The following TRHDE variants were observed in gnomAD, a reference collection of about 807,000 sequenced individuals.
The protein encoded by TRHDE is thyrotropin-releasing hormone-degrading ectoenzyme.
In TRHDE, 72 loss-of-function variants were observed where a neutral mutation model predicts 125.7. That is an observed-to-expected ratio of 0.57 (90% CI 0.47 to 0.70). The LOEUF (loss-of-function observed/expected upper bound fraction) is 0.70. Among genes scored for constraint, TRHDE ranks in the 30% least tolerant of loss-of-function variants. The pLI, the probability that TRHDE is intolerant of heterozygous loss-of-function variation, is 0.00. For synonymous variants in TRHDE, 509 were observed against 509.1 expected, an observed-to-expected ratio of 1.00 and a Z score of 0.00; for missense variants, 1,110 against 1,327.1, an observed-to-expected ratio of 0.84 and a Z score of 2.54.
intron 1 of TRHDE, among the ~76,000 whole-genome samples, chr12:72,101,495 G>A (rs1038465127): frequency 5.9e-5 from 9 of 152,112 alleles, no homozygotes; most frequent in Admixed American, 3.3e-4. Context: ...AATAAGTCAC[G>A]CAAATAGTTT....
chr12:72,660,270 A>T (rs2136116214), intron 18 of TRHDE, among the ~76,000 whole-genome samples: 1 of 152,302 alleles, frequency 6.6e-6, no homozygotes, highest in East Asian at 1.9e-4. Flanking sequence ...TACGGGAGGA[A>T]CGTGAAAGTG....
chr12:72,257,142 A>G (rs1045583669), intron 2 of TRHDE: 14 of 152,080 alleles, frequency 9.2e-5, no homozygotes, highest in Admixed American at 2.6e-4. Flanking sequence ...TTATGAGGAG[A>G]AAAGCACCAG....
chr12:72,097,304 G>A (rs1391347656), intron 1 of TRHDE, among the ~76,000 whole-genome samples: 2 of 152,154 alleles, frequency 1.3e-5, no homozygotes, highest in Non-Finnish European at 2.9e-5. Context: ...AGGAGATAGA[G>A]AAAGAGCACT....
intron 2 of TRHDE, among the ~76,000 whole-genome samples, chr12:72,368,031 T>C (rs1267273185): frequency 2.0e-5 from 3 of 152,216 alleles, no homozygotes; most frequent in Non-Finnish European, 4.4e-5. Context: ...TTTCTTTTTC[T>C]TGGCTGTGTG....
chr12:72,238,329 T>TA (rs1349134098), intron 2 of TRHDE, among the ~76,000 whole-genome samples: 35 of 29,970 alleles, frequency 1.2e-3, no homozygotes, highest in Non-Finnish European at 2.0e-3. Flanking sequence ...TATACATATA[T>TA]ATATACACAT....
rs908928079 is a variant in TRHDE at position 72,392,580 on chromosome 12, A to T, written c.1315+14459A>T. Among the ~76,000 whole-genome samples the T allele has an allele frequency of 3.9e-5, 6 of 152,306 alleles. No individual in the cohort carries two copies. In the East Asian group the frequency reaches 1.2e-3, roughly 29 times the overall value. ...AAACATTTTCAGCTGTGTAAACTAT[A>T]CAATCTCAGTTACAATTATGCCACT... is the stretch of plus-strand genomic sequence containing the variant. On this transcript the variant is annotated intron_variant, in intron 3 of 18. Transcript: ENST00000261180.
intron 2 of TRHDE, among the ~76,000 whole-genome samples, chr12:72,347,394 T>G (rs1222856688): frequency 6.6e-6 from 1 of 152,102 alleles, no homozygotes; most frequent in African/African-American, 2.4e-5. Flanking sequence ...TTGTACATTA[T>G]CCATTACTGT....
At chr12:72,632,535 T>C (rs1025178916) in intron 15 of TRHDE, among the ~76,000 whole-genome samples, 3 of 151,966 alleles carry the variant, frequency 2.0e-5, no homozygotes, top group Non-Finnish European at 4.4e-5. Flanking sequence ...TGTTATGCTC[T>C]TAGAGCTATT....
intron 2 of TRHDE, among the ~76,000 whole-genome samples, chr12:72,151,696 A>G (rs927910947): frequency 1.3e-5 from 2 of 152,162 alleles, no homozygotes; most frequent in African/African-American, 4.8e-5. Context: ...GTCAAAGATC[A>G]GATAGTTGTA....
chr12:72,476,126 AG>A (rs1876881111), intron 5 of TRHDE, among the ~76,000 whole-genome samples: 1 of 152,194 alleles, frequency 6.6e-6, no homozygotes, highest in African/African-American at 2.4e-5. Context: ...TATATTGGCC[AG>A]GCTGCTCTCG....
chr12:72,258,883 T>C (rs1878881977), intron 2 of TRHDE, among the ~76,000 whole-genome samples: 2 of 152,178 alleles, frequency 1.3e-5, no homozygotes. Context: ...TTTAGAGAAG[T>C]GATGTTGTGT....
intron 2 of TRHDE, chr12:72,255,961 ACT>A (rs1878805178): frequency 6.6e-6 from 1 of 152,066 alleles, no homozygotes; most frequent in Non-Finnish European, 1.5e-5. Context: ...CCACCCCTCT[ACT>A]ACCATCCTTA....
At chr12:72,644,788 C>G (rs1349002221) in intron 15 of TRHDE, among the ~76,000 whole-genome samples, 25 of 152,068 alleles carry the variant, frequency 1.6e-4, no homozygotes, top group Admixed American at 1.6e-3. Flanking sequence ...CTGGGGCACC[C>G]CAAAGAATTA....
chr12:72,157,757 T>C (rs1016385783), intron 2 of TRHDE, among the ~76,000 whole-genome samples: 1 of 152,152 alleles, frequency 6.6e-6, no homozygotes, highest in African/African-American at 2.4e-5. Flanking sequence ...GAATTGACTG[T>C]TGAATATACA....
chr12:72,358,534 T>G (rs1870924624), intron 2 of TRHDE, among the ~76,000 whole-genome samples: 1 of 151,544 alleles, frequency 6.6e-6, no homozygotes, highest in African/African-American at 2.4e-5. Flanking sequence ...TATTAGTAGT[T>G]AAGTTTTGGG....
intron 12 of TRHDE, among the ~76,000 whole-genome samples, chr12:72,594,426 C>T (rs569706847): frequency 1.4e-4 from 21 of 151,138 alleles, no homozygotes; most frequent in Admixed American, 5.9e-4. Flanking sequence ...CCATGTTGGT[C>T]AGGCTGGTCT....
At chr12:72,598,307 T>C (rs1872064019) in intron 12 of TRHDE, among the ~76,000 whole-genome samples, 2 of 152,230 alleles carry the variant, frequency 1.3e-5, no homozygotes, top group African/African-American at 4.8e-5. Flanking sequence ...GAGAAAACTT[T>C]ACTTGATAAA....
intron 2 of TRHDE, among the ~76,000 whole-genome samples, chr12:72,132,880 A>G (rs2139309016): frequency 6.6e-6 from 1 of 152,172 alleles, no homozygotes; most frequent in South Asian, 2.1e-4. Flanking sequence ...TTTGTAGAAA[A>G]GGGGACCTGC....
At chr12:72,260,061 T>G (rs979532708) in intron 2 of TRHDE, among the ~76,000 whole-genome samples, 9 of 152,224 alleles carry the variant, frequency 5.9e-5, no homozygotes, top group African/African-American at 2.2e-4. Flanking sequence ...TATGCACATC[T>G]ATATATGCAC....
Sources: allele counts gnomAD v4.1 joint callset (sites outside exome capture counted in the v4.1 genomes callset), GRCh38; gene constraint gnomAD v4.1.1; transcripts MANE v1.5; gene names NCBI Gene and HGNC (gene_info 2026-07-23, HGNC 2026-07-21).